SNX29: variants seen among roughly 807,000 people sequenced by gnomAD.
SNX29 encodes the protein sorting nexin 29.
In SNX29, 78 loss-of-function variants were observed where a neutral mutation model predicts 102.1. The ratio of observed to expected loss-of-function variants is 0.76; its 90% CI spans 0.64 to 0.92. SNX29 has a LOEUF of 0.92. SNX29 is among the 40% of genes least tolerant of loss of function. The pLI is 0.00. For missense variants in SNX29, 1,280 were observed against 1,061.7 expected (o/e 1.21, Z -2.86); for synonymous variants, 580 against 414.5 (o/e 1.40, Z -4.85).
chr16:12,318,059 C>G (rs2080809528), intron 15 of SNX29, among the ~76,000 whole-genome samples: 1 of 152,240 alleles, frequency 6.6e-6, no homozygotes. Flanking sequence ...CACGCTGGCT[C>G]TTGGTGTTCT....
intron 17 of SNX29, among the ~76,000 whole-genome samples, chr16:12,403,192 TTGTGTGTGTATGTGTGTGTG>T (rs1180833552): frequency 9.6e-4 from 124 of 129,716 alleles, no homozygotes; most frequent in East Asian, 8.5e-3. Flanking sequence ...GGAGTACAGA[TTGTGTGTGTATGTGTGTGTG>T]TGTGTGTGTG....
intron 19 of SNX29, among the ~76,000 whole-genome samples, chr16:12,487,130 G>C (rs576110338): frequency 2.8e-4 from 42 of 152,282 alleles, no homozygotes; most frequent in Admixed American, 2.4e-3. Context: ...ATTGAAGGTG[G>C]TTACATCTGT....
chr16:12,213,449 G>A (rs1430348732), intron 14 of SNX29, among the ~76,000 whole-genome samples: 2 of 151,988 alleles, frequency 1.3e-5, no homozygotes, highest in Admixed American at 1.3e-4. Context: ...GTCACCAAAA[G>A]CCATTTATAC....
chr16:11,984,383 A>AAAAAG (rs35432663), intron 1 of SNX29, among the ~76,000 whole-genome samples: 34,645 of 144,742 alleles, frequency 0.24, 5,265 homozygotes, highest in African/African-American at 0.4. Flanking sequence ...TCAAAAAAAA[A>AAAAAG]AAAAGAAAAG....
chr16:12,222,662 G>C (rs1297320846), intron 14 of SNX29, among the ~76,000 whole-genome samples: 1 of 152,146 alleles, frequency 6.6e-6, no homozygotes, highest in Non-Finnish European at 1.5e-5. Flanking sequence ...TCTGTCTCCT[G>C]GGTTCCAGCA....
chr16:12,184,568 C>T (rs1030977595), intron 13 of SNX29, among the ~76,000 whole-genome samples: 3 of 152,242 alleles, frequency 2.0e-5, no homozygotes, highest in African/African-American at 7.2e-5. Flanking sequence ...TCTTCAAACT[C>T]TCCATGCCTT....
At chr16:12,346,228 G>A (rs900598348) in intron 15 of SNX29, among the ~76,000 whole-genome samples, 2 of 152,094 alleles carry the variant, frequency 1.3e-5, no homozygotes, top group Non-Finnish European at 2.9e-5. Flanking sequence ...ATGGAGGAGC[G>A]GGGACAGACC....
intron 16 of SNX29, among the ~76,000 whole-genome samples, chr16:12,387,663 A>T (rs143027889): frequency 3.0e-4 from 46 of 152,290 alleles, no homozygotes; most frequent in Non-Finnish European, 5.6e-4. Context: ...TGTTTTACAG[A>T]TGAGGAAACT....
intron 14 of SNX29, among the ~76,000 whole-genome samples, chr16:12,270,882 A>G (rs1278797883): frequency 1.3e-5 from 2 of 152,004 alleles, no homozygotes; most frequent in East Asian, 3.9e-4. Context: ...TCTCTACTAA[A>G]AATACAAAAA....
At chr16:12,280,027 G>T (rs896009496) in intron 15 of SNX29, among the ~76,000 whole-genome samples, 98 of 152,316 alleles carry the variant, frequency 6.4e-4, no homozygotes, top group African/African-American at 2.4e-3. Context: ...GGGCTGCTGG[G>T]CAGCGTGTAG....
At chr16:12,439,318 G>C (rs2085690146) in intron 18 of SNX29, among the ~76,000 whole-genome samples, 1 of 152,246 alleles carries the variant, frequency 6.6e-6, no homozygotes, top group Admixed American at 6.5e-5. Context: ...AGAGAGGCCA[G>C]CGGGGAGTAG....
chr16:11,987,232 T>C (rs1355863290), intron 1 of SNX29, among the ~76,000 whole-genome samples: 1 of 148,146 alleles, frequency 6.8e-6, no homozygotes, highest in Non-Finnish European at 1.5e-5. Flanking sequence ...ACCTGGCTAA[T>C]TTTTTTTTTT....
At chr16:12,394,070 C>G (rs575352640) in intron 16 of SNX29, among the ~76,000 whole-genome samples, 10 of 152,324 alleles carry the variant, frequency 6.6e-5, no homozygotes, top group African/African-American at 1.9e-4. Flanking sequence ...CCTGGGACTT[C>G]CTAGGGGCAA....
intron 8 of SNX29, among the ~76,000 whole-genome samples, chr16:12,057,418 A>G (rs1228369550): frequency 1.3e-5 from 2 of 152,154 alleles, no homozygotes; most frequent in African/African-American, 4.8e-5. Context: ...GATGGTGCAC[A>G]GGGGCTGACC....
intron 11 of SNX29, among the ~76,000 whole-genome samples, chr16:12,084,172 T>C (rs1157241867): frequency 6.7e-6 from 1 of 149,714 alleles, no homozygotes; most frequent in Non-Finnish European, 1.5e-5. Context: ...TGAGACGGAG[T>C]GTTGCTCTTA....
chr16:12,447,107 C>T (rs1034018440), intron 18 of SNX29, among the ~76,000 whole-genome samples: 2 of 121,244 alleles, frequency 1.6e-5, no homozygotes, highest in Non-Finnish European at 3.2e-5. Flanking sequence ...GTGGAGGTTG[C>T]AGTGAGCCGA....
At chr16:12,485,719 C>T (rs1383896681) in intron 19 of SNX29, among the ~76,000 whole-genome samples, 1 of 152,124 alleles carries the variant, frequency 6.6e-6, no homozygotes, top group Non-Finnish European at 1.5e-5. Context: ...AATTAAGGTT[C>T]GGTCTCTGTC....
chr16:12,422,275 T>C lies in SNX29; in HGVS notation c.2037+18746T>C, dbSNP rs528839039. On this transcript the variant is annotated intron_variant, in intron 18 of 20. Transcript: ENST00000566228. ...CAGGTTACCCATCTGCAAACAGAGA[T>C]GAAAATACCTCCCCTCATGAGGTGG... Among the ~76,000 whole-genome samples, 5 of 152,290 alleles carry C rather than the reference T, an allele frequency of 3.3e-5. No homozygotes were observed. The South Asian group carries it at 8.3e-4, about 25-fold the overall frequency.
Position 12,356,266 on chromosome 16 carries a change from A to G in SNX29, c.1886A>G (p.Asp629Gly), listed in dbSNP as rs1158431604. 6.8e-6 allele frequency: 11 copies of G among 1,606,886 alleles called. No individual in the cohort carries two copies. Among genetic ancestry groups the G allele is most frequent in the Non-Finnish European group, 8.5e-6 (10 of 1,177,044 alleles). Residue 629 changes from aspartate (D) to glycine (G), a missense_variant, in exon 16 of 21, where the codon GAT (aspartate) becomes GGT (glycine). Asp to Gly is a moderately conservative substitution (Grantham distance 94). Coordinates refer to ENST00000566228, the MANE Select transcript of SNX29 (RefSeq NM_032167.5). ...LVSQMRQELI[D>G]LRGPVPGDLS... ...TCCCAGATGAGGCAGGAGCTCATCG[A>G]TCTCCGGGGACCGGTGAGTGTTTCC...
Sources: allele counts gnomAD v4.1 joint callset (sites outside exome capture counted in the v4.1 genomes callset), GRCh38; gene constraint gnomAD v4.1.1; transcripts MANE v1.5; gene names NCBI Gene and HGNC (gene_info 2026-07-23, HGNC 2026-07-21).